UNC79: variants seen among roughly 807,000 people sequenced by gnomAD.
The protein encoded by UNC79 is protein unc-79 homolog.
A neutral mutation model predicts 283.1 loss-of-function variants in UNC79; 37 were observed. The observed-to-expected ratio is 0.13, with a 90% CI of 0.10 to 0.17. The LOEUF (loss-of-function observed/expected upper bound fraction) is 0.17. UNC79 is among the 10% of genes least tolerant of loss of function. The pLI, the probability that UNC79 is intolerant of heterozygous loss-of-function variation, is 1.00. For missense variants in UNC79, 2,272 were observed against 3,211.1 expected (o/e 0.71, Z 7.07); for synonymous variants, 1,107 against 1,200.2 (o/e 0.92, Z 1.61).
rs572047322 is a variant in UNC79, at chr14:93,605,090, C to T, written c.3754+1672C>T. 3.5e-5 allele frequency: 32 copies of T among 911,138 alleles called. No homozygotes were observed. In the African/African-American group the frequency reaches 5.2e-4, roughly 15 times the overall value. The allele number at this position is 911,138 out of a possible 1,614,324, so 56.4% of individuals were successfully genotyped here. Reference sequence around the variant, plus strand: ...TTTGCAAGCTCAGAAGGGTCTTACCCCAGATGTTCAAGTGTTTGAACCCCT... The same window carrying T: ...TTTGCAAGCTCAGAAGGGTCTTACCTCAGATGTTCAAGTGTTTGAACCCCT... On this transcript the variant is annotated intron_variant, in intron 26 of 48. Coordinates refer to ENST00000555664, the Ensembl canonical transcript of UNC79.
rs2055939817 is a variant in UNC79 at position 93,433,069 on chromosome 14, C to T, written c.22+2018C>T. Among the ~76,000 whole-genome samples the T allele has an allele frequency of 2.0e-5, 3 of 152,142 alleles. 1 individual carries two copies. Among genetic ancestry groups the T allele is most frequent in the South Asian group, 4.2e-4 (2 of 4,812 alleles). ...TCATCTGTAGAGGATGAAAAGGACA[C>T]CATATCTGGAGCTAGAACATGTGGA... On this transcript the variant is annotated intron_variant, in intron 1 of 48. Coordinates refer to ENST00000555664, the Ensembl canonical transcript of UNC79.
At chr14:93,653,017 A>G (rs1299004450) in intron 35 of UNC79, among the ~76,000 whole-genome samples, 1 of 152,182 alleles carries the variant, frequency 6.6e-6, no homozygotes, top group Admixed American at 6.5e-5. Flanking sequence ...TGGCACAATG[A>G]GGTAATAATT....
intron 42 of UNC79, among the ~76,000 whole-genome samples, chr14:93,684,856 G>A (rs1278318230): frequency 1.3e-5 from 2 of 152,152 alleles, no homozygotes; most frequent in African/African-American, 4.8e-5. Flanking sequence ...GTGAGTTTGA[G>A]TTTTGAATAT....
intron 38 of UNC79, among the ~76,000 whole-genome samples, chr14:93,656,284 C>T (rs777033445): frequency 1.4e-4 from 22 of 152,006 alleles, no homozygotes; most frequent in Non-Finnish European, 2.1e-4. Flanking sequence ...TTTCTCTATG[C>T]AGATTACAGA....
chr14:93,567,174 C>T (rs2062941894), intron 14 of UNC79, among the ~76,000 whole-genome samples: 1 of 152,148 alleles, frequency 6.6e-6, no homozygotes. Flanking sequence ...TCACAAAAGG[C>T]AAATGCCAAC....
intron 16 of UNC79, 90 bp from the exon 17 acceptor site, chr14:93,574,968 T>C (rs977607921): frequency 2.8e-5 from 39 of 1,372,704 alleles, no homozygotes; most frequent in Non-Finnish European, 3.7e-5. Flanking sequence ...TGTTCAATAA[T>C]TTGCTTTGGA....
intron 5 of UNC79, among the ~76,000 whole-genome samples, chr14:93,493,901 A>ATATATATTTT (rs1251701550): frequency 2.0e-5 from 1 of 49,254 alleles, no homozygotes; most frequent in East Asian, 7.5e-4. Flanking sequence ...ATATATATAT[A>ATATATATTTT]TTTTTTTTTT....
Position 93,688,575 on chromosome 14 carries a change from G to T in UNC79, c.6910-90G>T. On this transcript the variant is annotated intron_variant, in intron 43 of 48. Transcript: ENST00000555664. This position sits in a 1 kb window ranked among gnomAD's most constrained non-coding sequence, Gnocchi z 4.0. ...GTTTGCTCAGAGTGGCGATAAGCGGGGTGGAAATGACAACCTCTTCTTTTC... is the reference window on the plus strand; with the variant it reads ...GTTTGCTCAGAGTGGCGATAAGCGGTGTGGAAATGACAACCTCTTCTTTTC... The T allele has an allele frequency of 7.0e-7, 1 of 1,429,552 alleles. No homozygotes were observed. The highest frequency in any genetic ancestry group is 9.5e-7 in the Non-Finnish European group (1 of 1,047,258). The allele number at this position is 1,429,552 out of a possible 1,614,324, so 88.6% of individuals were successfully genotyped here.
At chr14:93,698,476 GT>G (rs71129655) in intron 47 of UNC79, among the ~76,000 whole-genome samples, 58 of 79,108 alleles carry the variant, frequency 7.3e-4, no homozygotes, top group South Asian at 2.4e-3. Context: ...TTTAGTTTAG[GT>G]TTTTTTTTTT....
intron 37 of UNC79, among the ~76,000 whole-genome samples, chr14:93,654,487 A>T (rs2070692042): frequency 7.1e-6 from 1 of 140,582 alleles, no homozygotes. Context: ...GCTACATTAC[A>T]CTCCAATGGC....
chr14:93,335,543 A>G (rs984121702), intron 1 of UNC79, among the ~76,000 whole-genome samples: 37 of 152,254 alleles, frequency 2.4e-4, no homozygotes, highest in African/African-American at 7.5e-4. Flanking sequence ...TTCTAGAATC[A>G]GATAGATCTG....
At chr14:93,426,996 T>C (rs11625682), upstream of UNC79, among the ~76,000 whole-genome samples, 2,654 of 152,274 alleles carry the variant, frequency 0.017, 40 homozygotes, top group South Asian at 0.074. Context: ...CTGAAGAGTG[T>C]TGACTTTTTT....
At chr14:93,524,086 T>C in intron 8 of UNC79, 44 bp downstream of exon 8, 1 of 1,604,066 alleles carries the variant, frequency 6.2e-7, no homozygotes, top group South Asian at 1.1e-5. Flanking sequence ...TTGTCAGTGG[T>C]CAAATTGCTG....
rs2062935176 is a variant in UNC79 at position 93,567,053 on chromosome 14, CT to C, written c.1756-4840del. ...TACTTTAAGTTTGGCCTAAAAGTTT[CT>C]CTGTACATCGTGATCTGTAACAAGT... On this transcript the variant is annotated intron_variant, in intron 14 of 48. Coordinates refer to ENST00000555664, the Ensembl canonical transcript of UNC79. 3.3e-5 allele frequency among the ~76,000 whole-genome samples: 5 copies of C among 152,222 alleles called. No individual in the cohort carries two copies. The South Asian group carries it at 1.0e-3, about 32-fold the overall frequency.
chr14:93,392,020 C>G (rs2054893527), intron 1 of UNC79, among the ~76,000 whole-genome samples: 1 of 152,182 alleles, frequency 6.6e-6, no homozygotes, highest in South Asian at 2.1e-4. Flanking sequence ...AACAGTTTAT[C>G]ATGATACAGT....
At chr14:93,341,381 T>C (rs113560176) in intron 1 of UNC79, among the ~76,000 whole-genome samples, 11,169 of 151,878 alleles carry the variant, frequency 0.074, 866 homozygotes, top group African/African-American at 0.19. Flanking sequence ...CGCTTGAACT[T>C]GGGAGGCAGA....
intron 1 of UNC79, among the ~76,000 whole-genome samples, chr14:93,356,792 A>G (rs934857151): frequency 2.0e-5 from 3 of 152,250 alleles, no homozygotes; most frequent in Admixed American, 1.3e-4. Flanking sequence ...AAGCAAATGA[A>G]TAGCTCTCTT....
intron 5 of UNC79, among the ~76,000 whole-genome samples, chr14:93,493,416 G>A (rs932261031): frequency 4.6e-5 from 7 of 152,150 alleles, no homozygotes; most frequent in Non-Finnish European, 8.8e-5. Context: ...TGAGTGGGCT[G>A]TGGTGTCTGT....
chr14:93,541,660 A>G (rs112661986), intron 13 of UNC79, among the ~76,000 whole-genome samples: 2 of 152,324 alleles, frequency 1.3e-5, no homozygotes, highest in East Asian at 3.9e-4. Context: ...ACCCTGCCAT[A>G]GTACTCAATA....
Sources: allele counts gnomAD v4.1 joint callset (sites outside exome capture counted in the v4.1 genomes callset), GRCh38; gene constraint gnomAD v4.1.1; non-coding constraint Gnocchi (gnomAD v3.1); transcripts MANE v1.5; gene names NCBI Gene and HGNC (gene_info 2026-07-23, HGNC 2026-07-21).